MNAT1: variants seen among roughly 807,000 people sequenced by gnomAD.
MNAT1 encodes MNAT1 component of CDK activating kinase, also known as CDK-activating kinase assembly factor MAT1.
MNAT1 carries 43 observed loss-of-function variants against 42.0 expected under a neutral mutation model. The observed-to-expected ratio is 1.02, with a 90% confidence interval of 0.80 to 1.32. The LOEUF (loss-of-function observed/expected upper bound fraction) is 1.32, where lower values mean the gene tolerates loss of function less well. Ranked by LOEUF, MNAT1 falls within the 40% of genes most tolerant of loss-of-function variation. The pLI is 0.00. For synonymous variants in MNAT1, 118 were observed against 120.0 expected, an observed-to-expected ratio of 0.98 and a Z score of 0.11; for missense variants, 306 against 350.4, an observed-to-expected ratio of 0.87 and a Z score of 1.01.
intron 7 of MNAT1, among the ~76,000 whole-genome samples, chr14:60,961,171 G>A (rs934264687): frequency 8.6e-5 from 13 of 151,898 alleles, no homozygotes; most frequent in South Asian, 4.2e-4. Flanking sequence ...CATGTTGGTC[G>A]GGCAGGTCTC....
chr14:60,735,288 G>A (rs1024616124), intron 1 of MNAT1, among the ~76,000 whole-genome samples: 13 of 152,142 alleles, frequency 8.5e-5, no homozygotes, highest in Non-Finnish European at 7.4e-5. Context: ...GGATTGGAGT[G>A]TTTATTTCAT....
intron 7 of MNAT1, among the ~76,000 whole-genome samples, chr14:60,896,175 A>G (rs1307247184): frequency 6.6e-6 from 1 of 152,132 alleles, no homozygotes; most frequent in East Asian, 1.9e-4. Flanking sequence ...TATAACTCAA[A>G]TTGTACTGGC....
At chr14:60,850,049 C>G (rs1030934965) in intron 6 of MNAT1, among the ~76,000 whole-genome samples, 1 of 152,044 alleles carries the variant, frequency 6.6e-6, no homozygotes, top group African/African-American at 2.4e-5. Context: ...TTTGACCATG[C>G]TGGTATCAAA....
chr14:60,788,295 A>G (rs969775146), intron 1 of MNAT1, among the ~76,000 whole-genome samples: 2 of 152,150 alleles, frequency 1.3e-5, no homozygotes, highest in African/African-American at 4.8e-5. Flanking sequence ...AGGTCTCAAC[A>G]GTGGGTTCAA....
intron 7 of MNAT1, among the ~76,000 whole-genome samples, chr14:60,936,348 T>C (rs1180171255): frequency 6.6e-6 from 1 of 151,744 alleles, no homozygotes; most frequent in African/African-American, 2.4e-5. Flanking sequence ...CATTTAACAT[T>C]AGGTATATCT....
chr14:60,801,009 T>C (rs1364612626), intron 3 of MNAT1, among the ~76,000 whole-genome samples: 1 of 152,160 alleles, frequency 6.6e-6, no homozygotes, highest in African/African-American at 2.4e-5. Context: ...TGATAAGTCT[T>C]ATAAATAGGC....
chr14:60,864,592 A>G (rs2034164392), intron 6 of MNAT1, among the ~76,000 whole-genome samples: 1 of 151,998 alleles, frequency 6.6e-6, no homozygotes, highest in Non-Finnish European at 1.5e-5. Flanking sequence ...TTCAGTAAAT[A>G]TTTCTGTATC....
chr14:60,893,740 G>T (rs937556579), intron 7 of MNAT1, among the ~76,000 whole-genome samples: 5 of 152,058 alleles, frequency 3.3e-5, no homozygotes, highest in South Asian at 2.1e-4. Flanking sequence ...AGGTTTTCTT[G>T]TTCTACCCTC....
chr14:60,890,364 C>T (rs2034808082), intron 7 of MNAT1, among the ~76,000 whole-genome samples: 1 of 152,106 alleles, frequency 6.6e-6, no homozygotes, highest in South Asian at 2.1e-4. Context: ...GAGATACTGG[C>T]TTTTAGTTTT....
At chr14:60,951,851 G>C (rs2036390168) in intron 7 of MNAT1, among the ~76,000 whole-genome samples, 1 of 151,954 alleles carries the variant, frequency 6.6e-6, no homozygotes, top group Non-Finnish European at 1.5e-5. Flanking sequence ...CTGTTATAGA[G>C]ATTCATATTT....
intron 6 of MNAT1, among the ~76,000 whole-genome samples, chr14:60,863,935 C>T (rs1414133849): frequency 6.6e-6 from 1 of 152,120 alleles, no homozygotes; most frequent in East Asian, 1.9e-4. Flanking sequence ...GTTGAAATAG[C>T]CTTTTTACTA....
Position 60,963,903 on chromosome 14 carries a change from T to C in MNAT1, c.810-4326T>C, listed in dbSNP as rs3783817. Among the ~76,000 whole-genome samples the C allele has an allele frequency of 1.9e-4, 29 of 152,306 alleles. 1 individual carries two copies. In the East Asian group the frequency reaches 5.0e-3, roughly 26 times the overall value. ...TGCTTTAAGGATTGTCACAAACATATTATGACTGGACAGGAAGAGTGCTTG... is the reference window on the plus strand; with the variant it reads ...TGCTTTAAGGATTGTCACAAACATACTATGACTGGACAGGAAGAGTGCTTG... On this transcript the variant is annotated intron_variant, in intron 7 of 7. Coordinates refer to ENST00000261245, the MANE Select transcript of MNAT1 (RefSeq NM_002431.4).
At chr14:60,770,384 C>T (rs947858903) in intron 1 of MNAT1, among the ~76,000 whole-genome samples, 3 of 152,158 alleles carry the variant, frequency 2.0e-5, no homozygotes, top group Non-Finnish European at 2.9e-5. Context: ...CTCCAATGAA[C>T]ATGGGTATGC....
At chr14:60,912,663 G>T (rs2035399680) in intron 7 of MNAT1, among the ~76,000 whole-genome samples, 1 of 152,138 alleles carries the variant, frequency 6.6e-6, no homozygotes, top group African/African-American at 2.4e-5. Flanking sequence ...ACTGTCTTCT[G>T]GCTTGTAGAG....
chr14:60,758,496 C>G (rs1031998313), intron 1 of MNAT1, among the ~76,000 whole-genome samples: 3 of 152,022 alleles, frequency 2.0e-5, no homozygotes, highest in African/African-American at 7.2e-5. Flanking sequence ...AGCCACGTTG[C>G]CTGGTCCACT....
intron 1 of MNAT1, among the ~76,000 whole-genome samples, chr14:60,794,141 T>C (rs189091554): frequency 6.6e-6 from 1 of 152,308 alleles, no homozygotes; most frequent in African/African-American, 2.4e-5. Flanking sequence ...ATTTTGACTA[T>C]TTTGGATAGA....
intron 6 of MNAT1, among the ~76,000 whole-genome samples, chr14:60,831,957 T>A (rs2033234265): frequency 6.6e-6 from 1 of 152,246 alleles, no homozygotes; most frequent in Non-Finnish European, 1.5e-5. Flanking sequence ...CATGTGTTTG[T>A]TGGCTGCATA....
chr14:60,866,536 A>G (rs1178897188), intron 6 of MNAT1, among the ~76,000 whole-genome samples: 1 of 152,020 alleles, frequency 6.6e-6, no homozygotes, highest in Non-Finnish European at 1.5e-5. Flanking sequence ...AATTTGTACG[A>G]ATGAAATTAT....
rs4151320 is a variant in MNAT1, at chr14:60,898,452, C to T, written c.809+18617C>T. ...ATTTTTTGTCTTTTTAATAATAGCC[C>T]TGCTAACTGGGGTAAGATGCTATCT... On this transcript the variant is annotated intron_variant, in intron 7 of 7. Transcript: ENST00000261245. Among the ~76,000 whole-genome samples, 640 of 152,070 alleles carry T rather than the reference C, an allele frequency of 4.2e-3. 4 individuals are homozygous for T. Among genetic ancestry groups the T allele is most frequent in the Non-Finnish European group, 6.7e-3 (453 of 67,920 alleles).
Sources: allele counts gnomAD v4.1 joint callset (sites outside exome capture counted in the v4.1 genomes callset), GRCh38; gene constraint gnomAD v4.1.1; transcripts MANE v1.5; gene names NCBI Gene and HGNC (gene_info 2026-07-23, HGNC 2026-07-21).